Variants in ZNRF2 observed in about 807,000 individuals in gnomAD.
The protein encoded by ZNRF2 is E3 ubiquitin-protein ligase ZNRF2.
A neutral mutation model predicts 20.4 loss-of-function variants in ZNRF2; 16 were observed. The ratio of observed to expected loss-of-function variants is 0.79; its 90% confidence interval spans 0.53 to 1.19. ZNRF2 has a LOEUF of 1.19. Ranked by LOEUF, ZNRF2 falls within the 50% of genes most tolerant of loss-of-function variation. ZNRF2 has a pLI of 0.00. For missense variants in ZNRF2, 363 were observed against 332.4 expected (o/e 1.09, Z -0.72); for synonymous variants, 178 against 144.9 (o/e 1.23, Z -1.64).
chr7:30,314,168 A>T (rs955019050), intron 1 of ZNRF2, among the ~76,000 whole-genome samples: 1 of 152,242 alleles, frequency 6.6e-6, no homozygotes, highest in African/African-American at 2.4e-5. Flanking sequence ...ATTAATTCAA[A>T]CAAATTTAAA....
At chr7:30,349,416 A>G (rs1371423340) in intron 2 of ZNRF2, among the ~76,000 whole-genome samples, 5 of 152,138 alleles carry the variant, frequency 3.3e-5, no homozygotes, top group Non-Finnish European at 7.4e-5. Flanking sequence ...CTTCTTGCGA[A>G]TAATCACGTA....
intron 1 of ZNRF2, among the ~76,000 whole-genome samples, chr7:30,295,029 G>A: frequency 9.9e-6 from 1 of 101,232 alleles, no homozygotes; most frequent in African/African-American, 4.7e-5. Flanking sequence ...GAGAGAGAGA[G>A]AGAGAGAGAG....
chr7:30,307,533 G>T (rs1382666315), intron 1 of ZNRF2, among the ~76,000 whole-genome samples: 1 of 151,812 alleles, frequency 6.6e-6, no homozygotes, highest in African/African-American at 2.4e-5. Context: ...ATTATAGACT[G>T]AGTCCAAGTC....
intron 1 of ZNRF2, 108 bp from the exon 2 acceptor site, chr7:30,323,534 T>G (rs1583581546): frequency 1.5e-6 from 1 of 656,768 alleles, no homozygotes; most frequent in Admixed American, 3.1e-5. Flanking sequence ...TGTAATGCAG[T>G]AAGTGTAATA....
intron 2 of ZNRF2, among the ~76,000 whole-genome samples, chr7:30,325,993 T>C (rs928796689): frequency 6.6e-6 from 1 of 152,178 alleles, no homozygotes; most frequent in Non-Finnish European, 1.5e-5. Context: ...CCATAAATCT[T>C]AAAGCTTCTG....
rs971322888 is a variant in ZNRF2, at chr7:30,297,797, T to G, written c.469+11971T>G. On this transcript the variant is annotated intron_variant, in intron 1 of 4. Transcript: ENST00000323037. ...ATGTTGTACACCTAGAGTAATCCTT[T>G]GCTTTTTCTTTTTTCTCTTCAATTT... Among the ~76,000 whole-genome samples, 54 of 152,108 alleles carry G rather than the reference T, an allele frequency of 3.6e-4. 2 individuals carry two copies.
At chr7:30,341,222 GTC>G (rs1238614965) in intron 2 of ZNRF2, among the ~76,000 whole-genome samples, 1 of 151,826 alleles carries the variant, frequency 6.6e-6, no homozygotes, top group Non-Finnish European at 1.5e-5. Flanking sequence ...CGTTTTTTGT[GTC>G]TCTTATCTCC....
At chr7:30,351,434 G>T (rs1441934210) in intron 2 of ZNRF2, among the ~76,000 whole-genome samples, 3 of 152,004 alleles carry the variant, frequency 2.0e-5, no homozygotes, top group Non-Finnish European at 4.4e-5. Flanking sequence ...GTTTTAAATT[G>T]TGTAAGCAGT....
At chr7:30,358,928 A>T (rs1190994981) in intron 3 of ZNRF2, among the ~76,000 whole-genome samples, 1 of 152,214 alleles carries the variant, frequency 6.6e-6, no homozygotes, top group Admixed American at 6.5e-5. Flanking sequence ...AACTTCATAG[A>T]GTATAAGGGT....
intron 1 of ZNRF2, among the ~76,000 whole-genome samples, chr7:30,311,716 T>C (rs35295500): frequency 0.23 from 34,652 of 152,106 alleles, 8,751 homozygotes; most frequent in African/African-American, 0.63. Context: ...TTTGACATAA[T>C]TCTTAAGGAT....
intron 2 of ZNRF2, 45 bp from the exon 3 acceptor site, chr7:30,355,683 T>A (rs775105572): frequency 2.3e-5 from 34 of 1,503,472 alleles, no homozygotes; most frequent in Non-Finnish European, 2.1e-5. Context: ...TTTTTCAATT[T>A]GATGGATAAT....
intron 1 of ZNRF2, among the ~76,000 whole-genome samples, chr7:30,319,039 G>T (rs147357498): frequency 6.6e-6 from 1 of 152,036 alleles, no homozygotes; most frequent in Non-Finnish European, 1.5e-5. Flanking sequence ...TTGAACCCAG[G>T]GGGTGGAGGT....
At chr7:30,289,447 T>C (rs1296937504) in intron 1 of ZNRF2, among the ~76,000 whole-genome samples, 2 of 152,210 alleles carry the variant, frequency 1.3e-5, no homozygotes, top group Admixed American at 6.5e-5. Context: ...ATTTGGGATA[T>C]TGTAATTAAT....
intron 1 of ZNRF2, among the ~76,000 whole-genome samples, chr7:30,310,268 T>G (rs1562608547): frequency 6.6e-6 from 1 of 152,214 alleles, no homozygotes; most frequent in Non-Finnish European, 1.5e-5. Context: ...GACTAAACTT[T>G]TTAATGCAAC....
rs542019914 is a variant in ZNRF2 at position 30,356,751 on chromosome 7, G to GC, written c.671+919dup. On this transcript the variant is annotated intron_variant, in intron 3 of 4. Coordinates refer to ENST00000323037, the MANE Select transcript of ZNRF2 (RefSeq NM_147128.4). ...GACGGAGTCTCGCTCTGTTGCCCAG[G>GC]CTGGAGGGCAGTGACGTGATCTCGG... Among the ~76,000 whole-genome samples, 10 of 138,810 alleles carry GC rather than the reference G, an allele frequency of 7.2e-5. No homozygotes were observed. In the East Asian group the frequency reaches 2.1e-3, roughly 30 times the overall value. 91.1% of individuals were successfully genotyped at this position (138,810 alleles called of 152,430 possible).
intron 2 of ZNRF2, among the ~76,000 whole-genome samples, 194 bp from the exon 3 acceptor site, chr7:30,355,534 G>C (rs1374805069): frequency 1.3e-5 from 2 of 152,136 alleles, no homozygotes; most frequent in Non-Finnish European, 2.9e-5. Context: ...TGAGACAATG[G>C]AAGTAAAGGT....
chr7:30,344,592 TA>T (rs1490874130), intron 2 of ZNRF2, among the ~76,000 whole-genome samples: 3 of 152,198 alleles, frequency 2.0e-5, no homozygotes, highest in African/African-American at 7.2e-5. Flanking sequence ...TCACCTCTTT[TA>T]ATTTTTGCTA....
chr7:30,301,358 C>T (rs112570773), intron 1 of ZNRF2, among the ~76,000 whole-genome samples: 6,554 of 152,148 alleles, frequency 0.043, 190 homozygotes, highest in Non-Finnish European at 0.065. Flanking sequence ...TGGCACACAC[C>T]TGTAATCCCA....
At chr7:30,361,585 A>C (rs1423926465) in intron 3 of ZNRF2, among the ~76,000 whole-genome samples, 1 of 152,212 alleles carries the variant, frequency 6.6e-6, no homozygotes, top group Non-Finnish European at 1.5e-5. Context: ...TTTTTCACCT[A>C]TCATGGTACT....
Sources: gnomAD v4.1 joint callset for allele counts (sites outside exome capture counted in the v4.1 genomes callset) on GRCh38, gnomAD v4.1.1 for gene constraint, MANE v1.5 for transcripts, NCBI Gene and HGNC (gene_info 2026-07-23, HGNC 2026-07-21) for gene names.